NXPH2: variants seen among roughly 807,000 people sequenced by gnomAD.
The protein encoded by NXPH2 is neurexophilin-2.
NXPH2 carries 5 observed loss-of-function variants against 19.8 expected under a neutral mutation model. That is an observed-to-expected ratio of 0.25 (90% confidence interval 0.13 to 0.53). The LOEUF (loss-of-function observed/expected upper bound fraction) is 0.53. Among genes scored for constraint, NXPH2 ranks in the 20% least tolerant of loss-of-function variants. The pLI, the probability that NXPH2 is intolerant of heterozygous loss-of-function variation, is 0.96. For missense variants in NXPH2, 289 were observed against 322.8 expected (o/e 0.90, Z 0.80); for synonymous variants, 154 against 127.4 (o/e 1.21, Z -1.41).
intron 1 of NXPH2, among the ~76,000 whole-genome samples, chr2:138,705,203 A>G (rs1193602868): frequency 6.6e-6 from 1 of 152,044 alleles, no homozygotes; most frequent in African/African-American, 2.4e-5. Context: ...GCCTCAAGCA[A>G]TCTTCCCATC....
intron 1 of NXPH2, among the ~76,000 whole-genome samples, chr2:138,763,409 TA>T (rs1377510189): frequency 3.3e-5 from 5 of 152,274 alleles, no homozygotes; most frequent in Non-Finnish European, 1.5e-5. Flanking sequence ...AAAAATACAT[TA>T]AAAAATACTG....
chr2:138,693,535 T>C lies in NXPH2; in HGVS notation c.52-21870A>G, dbSNP rs550807753. 3.9e-5 allele frequency among the ~76,000 whole-genome samples: 6 copies of C among 152,314 alleles called. No homozygotes were observed. In the South Asian group the frequency reaches 1.2e-3, roughly 32 times the overall value. ...TGCAGTATCCTCCATGAATTACTGG[T>C]ATAAGGTTGCCATATAAATTATAGA... is the stretch of plus-strand genomic sequence containing the variant. On this transcript the variant is annotated intron_variant, in intron 1 of 1. Coordinates refer to ENST00000272641, the MANE Select transcript of NXPH2 (RefSeq NM_007226.3).
intron 1 of NXPH2, among the ~76,000 whole-genome samples, chr2:138,755,208 G>A (rs1469706802): frequency 1.3e-5 from 2 of 151,944 alleles, no homozygotes; most frequent in Admixed American, 1.3e-4. Flanking sequence ...TAAGGTTCAA[G>A]CTGTCAATTT....
chr2:138,683,933 T>C (rs971842459), intron 1 of NXPH2, among the ~76,000 whole-genome samples: 3 of 152,244 alleles, frequency 2.0e-5, no homozygotes, highest in African/African-American at 7.2e-5. Flanking sequence ...AATATGCTAC[T>C]TCATTATGAT....
chr2:138,683,001 G>A (rs1680600348), intron 1 of NXPH2, among the ~76,000 whole-genome samples: 1 of 152,142 alleles, frequency 6.6e-6, no homozygotes, highest in South Asian at 2.1e-4. Context: ...GTATTAGAAA[G>A]CTGAATTAAC....
chr2:138,710,449 T>C (rs545126881), intron 1 of NXPH2, among the ~76,000 whole-genome samples: 24 of 152,268 alleles, frequency 1.6e-4, no homozygotes, highest in African/African-American at 5.3e-4. Context: ...CTGAGTTATA[T>C]GGTAATTCTA....
In NXPH2 at chr2:138,775,307, TA is replaced by T. The variant is rs558224254; in HGVS notation, c.51+4883del. ...AGTTTTAATCTAGATTTTCATAAGT[TA>T]AAAAATAACATAAAATAGAAGTTTT... On this transcript the variant is annotated intron_variant, in intron 1 of 1. Transcript: ENST00000272641. 1.7e-3 allele frequency among the ~76,000 whole-genome samples: 252 copies of T among 152,234 alleles called. 1 individual carries two copies. Among genetic ancestry groups the T allele is most frequent in the Non-Finnish European group, 2.7e-3 (186 of 67,972 alleles).
chr2:138,777,797 A>G (rs146108664), intron 1 of NXPH2, among the ~76,000 whole-genome samples: 3 of 148,972 alleles, frequency 2.0e-5, no homozygotes, highest in African/African-American at 4.9e-5. Flanking sequence ...AATTTCGACA[A>G]TAAGGTAACT....
At chr2:138,713,322 C>T (rs1276386088) in intron 1 of NXPH2, among the ~76,000 whole-genome samples, 3 of 152,144 alleles carry the variant, frequency 2.0e-5, no homozygotes, top group East Asian at 1.9e-4. Flanking sequence ...TTGACCCAAA[C>T]GGTCTGAAGA....
intron 1 of NXPH2, among the ~76,000 whole-genome samples, chr2:138,686,815 T>G (rs574236960): frequency 6.6e-6 from 1 of 152,270 alleles, no homozygotes; most frequent in African/African-American, 2.4e-5. Context: ...GTTTTTTTTG[T>G]CCTTGCAATA....
intron 1 of NXPH2, among the ~76,000 whole-genome samples, chr2:138,679,651 C>A (rs552423029): frequency 6.6e-6 from 1 of 152,264 alleles, no homozygotes; most frequent in East Asian, 1.9e-4. Context: ...CCACCCGCCT[C>A]TGCCTCCCAA....
At chr2:138,674,626 A>C (rs1680459531) in intron 1 of NXPH2, among the ~76,000 whole-genome samples, 2 of 152,092 alleles carry the variant, frequency 1.3e-5, no homozygotes, top group Admixed American at 1.3e-4. Context: ...ACTTCATTCC[A>C]ATCATTTGGT....
intron 1 of NXPH2, among the ~76,000 whole-genome samples, chr2:138,770,984 T>A (rs1326370419): frequency 6.6e-6 from 1 of 152,110 alleles, no homozygotes; most frequent in African/African-American, 2.4e-5. Context: ...CAAAAATTTT[T>A]TTTTAAATAC....
intron 1 of NXPH2, among the ~76,000 whole-genome samples, chr2:138,710,481 G>T (rs998375971): frequency 1.3e-5 from 2 of 152,034 alleles, no homozygotes. Flanking sequence ...TAGAGAAACC[G>T]CCAAACTTTT....
At position 138,780,214 on chromosome 2, in the gene NXPH2, C is replaced by A. The variant is rs771282738; in HGVS notation, c.28G>T (p.Val10Leu). Reference sequence around the variant, plus strand: ...ACCAGCTGCAGCAAGCCAGGGACCACCACGAGGGGCAGCGGCCGCAGGCGC... The same window carrying A: ...ACCAGCTGCAGCAAGCCAGGGACCAACACGAGGGGCAGCGGCCGCAGGCGC... MRLRPLPLV[V>L]VPGLLQLLFC... Residue 10 changes from valine (V) to leucine (L), a missense_variant, in exon 1 of 2, where the codon GTG becomes TTG. Val to Leu is a conservative substitution (Grantham distance 32, BLOSUM62 1). Coordinates refer to ENST00000272641, the MANE Select transcript of NXPH2 (RefSeq NM_007226.3). The A allele has an allele frequency of 6.8e-7, 1 of 1,473,932 alleles. No homozygotes were observed. Among genetic ancestry groups the A allele is most frequent in the Non-Finnish European group, 8.9e-7 (1 of 1,120,908 alleles). 91.3% of individuals were successfully genotyped at this position (1,473,932 alleles called of 1,614,324 possible). A position where few individuals can be genotyped will look rare whatever the true frequency, so the allele number is the denominator to read the frequency against.
At chr2:138,689,801 T>C (rs537456873) in intron 1 of NXPH2, among the ~76,000 whole-genome samples, 1 of 152,260 alleles carries the variant, frequency 6.6e-6, no homozygotes, top group South Asian at 2.1e-4. Context: ...TACAGAGAAA[T>C]ATCAAGACAT....
chr2:138,680,658 T>A (rs551843306), intron 1 of NXPH2, among the ~76,000 whole-genome samples: 48 of 152,234 alleles, frequency 3.2e-4, no homozygotes, highest in Admixed American at 9.8e-4. Flanking sequence ...CTAATCCTAA[T>A]TAAGGGAACA....
At chr2:138,762,908 T>C (rs1682038750) in intron 1 of NXPH2, among the ~76,000 whole-genome samples, 2 of 152,212 alleles carry the variant, frequency 1.3e-5, no homozygotes, top group African/African-American at 4.8e-5. Flanking sequence ...CACACCTATG[T>C]ATTAATATAT....
At chr2:138,724,088 TC>T (rs1281866002) in intron 1 of NXPH2, among the ~76,000 whole-genome samples, 1 of 152,186 alleles carries the variant, frequency 6.6e-6, no homozygotes, top group African/African-American at 2.4e-5. Context: ...CTCTTCCTCC[TC>T]CTACCCTCCA....
Sources: allele counts gnomAD v4.1 joint callset (sites outside exome capture counted in the v4.1 genomes callset), GRCh38; gene constraint gnomAD v4.1.1; transcripts MANE v1.5; gene names NCBI Gene and HGNC (gene_info 2026-07-23, HGNC 2026-07-21).